Variants in PCDHGB7 observed in about 807,000 individuals in gnomAD.
The protein encoded by PCDHGB7 is protocadherin gamma-B7.
In PCDHGB7, 37 loss-of-function variants were observed where a neutral mutation model predicts 61.4. The ratio of observed to expected loss-of-function variants is 0.60; its 90% confidence interval spans 0.46 to 0.79. The LOEUF (loss-of-function observed/expected upper bound fraction) is 0.79. Ranked by LOEUF, PCDHGB7 falls within the 30% of genes least tolerant of loss-of-function variation. The pLI is 0.00. For missense variants in PCDHGB7, 1,166 were observed against 1,202.5 expected (o/e 0.97, Z 0.45); for synonymous variants, 464 against 503.5 (o/e 0.92, Z 1.05).
At chr5:141,442,759 A>G (rs2098341868) in intron 1 of PCDHGB7, among the ~76,000 whole-genome samples, 1 of 152,152 alleles carries the variant, frequency 6.6e-6, no homozygotes, top group Non-Finnish European at 1.5e-5. Flanking sequence ...GATTATATAT[A>G]TTTGTATGTG....
intron 1 of PCDHGB7, chr5:141,426,390 C>T (rs1211244710): frequency 7.9e-6 from 2 of 252,180 alleles, no homozygotes; most frequent in African/African-American, 4.4e-5. Flanking sequence ...AGATCCGCTA[C>T]TCTATTCCAG....
chr5:141,491,702 T>A lies in PCDHGB7; in HGVS notation c.2416-3105T>A. The A allele has an allele frequency of 6.2e-7, 1 of 1,611,514 alleles. No homozygotes were observed. Among genetic ancestry groups the A allele is most frequent in the Non-Finnish European group, 8.5e-7 (1 of 1,178,984 alleles). ...AATACGCTGCGGGAGCGGAGCCAGG[T>A]GAGGGGCTCGGCGCCGCCCCGGGCG... On this transcript the variant is annotated intron_variant, in intron 1 of 3. Coordinates refer to ENST00000398594, the MANE Select transcript of PCDHGB7 (RefSeq NM_018927.4). The surrounding 1 kb of genome is among the most constrained non-coding windows in gnomAD (Gnocchi z 6.9).
chr5:141,504,077 G>A (rs939470644), intron 2 of PCDHGB7, among the ~76,000 whole-genome samples: 3 of 152,124 alleles, frequency 2.0e-5, no homozygotes, highest in Non-Finnish European at 2.9e-5. Context: ...GCCAGATGGT[G>A]CCAAACAGTT....
intron 1 of PCDHGB7, among the ~76,000 whole-genome samples, chr5:141,481,950 T>C (rs1378337886): frequency 2.7e-5 from 4 of 146,216 alleles, no homozygotes; most frequent in Admixed American, 1.4e-4. Flanking sequence ...CCAGATGTGG[T>C]GGCAGGTGCC....
rs1688094877 is a variant in PCDHGB7 at position 141,432,625 on chromosome 5, C to T, written c.2415+12351C>T. 1.2e-6 allele frequency: 2 copies of T among 1,613,240 alleles called. No individual in the cohort carries two copies. The highest frequency in any genetic ancestry group is 1.7e-6 in the Non-Finnish European group (2 of 1,179,778). ...CGGGACTCTTCTCGGTGGGTCTGCA[C>T]ACGGGCGAGGTGCGCACGGCGCGAG... On this transcript the variant is annotated intron_variant, in intron 1 of 3. Coordinates refer to ENST00000398594, the MANE Select transcript of PCDHGB7 (RefSeq NM_018927.4). The surrounding 1 kb of genome is among the most constrained non-coding windows in gnomAD (Gnocchi z 6.0).
chr5:141,494,792 C>A lies in PCDHGB7; in HGVS notation c.2416-15C>A. The A allele has an allele frequency of 6.2e-7, 1 of 1,614,132 alleles. No individual in the cohort carries two copies. Among genetic ancestry groups the A allele is most frequent in the East Asian group, 2.2e-5 (1 of 44,878 alleles). Reference sequence around the variant, plus strand: ...TCACGGGTACTCAGCCCCTTTCCCTCTGTTTTCTCCACAGCAAGCCCCGCC... The same window carrying A: ...TCACGGGTACTCAGCCCCTTTCCCTATGTTTTCTCCACAGCAAGCCCCGCC... On this transcript the variant is annotated splice_polypyrimidine_tract_variant and intron_variant, in intron 1 of 3. Transcript: ENST00000398594.
rs1246198657 is a variant in PCDHGB7 at position 141,505,401 on chromosome 5, A to T, written c.2483A>T (p.Asn828Ile). The change falls in exon 3 of 4, where the codon AAT (asparagine) becomes ATT (isoleucine). Residue 828 changes from asparagine (N) to isoleucine (I), a missense_variant. By Grantham distance (149) the Asn-to-Ile change is moderately radical (BLOSUM62 -3). Transcript: ENST00000398594. Reference protein sequence around the residue: ...AQRPGTSGSQNGDDTGTWPNN... With the variant: ...AQRPGTSGSQIGDDTGTWPNN... ...TCCTACTCTCTCCCCAGCTCCCAAA[A>T]TGGCGATGACACCGGCACCTGGCCC... is the stretch of plus-strand genomic sequence containing the variant. The T allele has an allele frequency of 6.2e-7, 1 of 1,614,058 alleles. No individual in the cohort carries two copies. Among genetic ancestry groups the T allele is most frequent in the African/African-American group, 1.3e-5 (1 of 74,922 alleles).
rs779871354 is a variant in PCDHGB7 at position 141,428,131 on chromosome 5, G to A, written c.2415+7857G>A. 8.7e-6 allele frequency: 14 copies of A among 1,602,720 alleles called. No homozygotes were observed. The South Asian group carries it at 1.5e-4, about 18-fold the overall frequency. On this transcript the variant is annotated intron_variant, in intron 1 of 3. Transcript: ENST00000398594. ...CAGGCCATCGAGCCCGGGCTTTTCA[G>A]CCTGGGGCTGCACACGGGAACCTGC...
At chr5:141,457,071 C>T in intron 1 of PCDHGB7, among the ~76,000 whole-genome samples, 1 of 152,188 alleles carries the variant, frequency 6.6e-6, no homozygotes, top group Non-Finnish European at 1.5e-5. Context: ...TTGCCAGTAA[C>T]TATTATCCCT....
intron 1 of PCDHGB7, among the ~76,000 whole-genome samples, chr5:141,464,689 TATTATGA>T (rs1378742227): frequency 4.6e-5 from 7 of 152,182 alleles, no homozygotes; most frequent in Admixed American, 2.6e-4. Context: ...AAATTTCTCT[TATTATGA>T]ATGAGGTTAA....
At position 141,431,569 on chromosome 5, in the gene PCDHGB7, CGAA is replaced by C. The variant is rs780392922; in HGVS notation, c.2415+11297_2415+11299del. The C allele has an allele frequency of 1.9e-6, 3 of 1,614,000 alleles. No homozygotes were observed. The highest frequency in any genetic ancestry group is 2.7e-5 in the African/African-American group (2 of 74,932). ...TTGTAGTCAACGCTACCGACCCTGA[CGAA>C]GGAGTCAATGCGGAAGTGAGGTATT... On this transcript the variant is annotated intron_variant, in intron 1 of 3. Transcript: ENST00000398594. This position sits in a 1 kb window ranked among gnomAD's most constrained non-coding sequence, Gnocchi z 4.8.
intron 2 of PCDHGB7, among the ~76,000 whole-genome samples, chr5:141,501,102 C>G (rs951290710): frequency 2.0e-5 from 3 of 152,014 alleles, no homozygotes; most frequent in African/African-American, 4.8e-5. Flanking sequence ...CTCTTGACCT[C>G]GTGATCCGCC....
rs2099621975 is a variant in PCDHGB7 at position 141,485,946 on chromosome 5, G to A, written c.2416-8861G>A. ...AGTGTGTTGGAGAGCGCACCAGCGG[G>A]CATGGTGCTCATCCAGCTCAATGCC... On this transcript the variant is annotated intron_variant, in intron 1 of 3. Transcript: ENST00000398594. This position sits in a 1 kb window ranked among gnomAD's most constrained non-coding sequence, Gnocchi z 5.7. The A allele has an allele frequency of 1.2e-6, 2 of 1,614,040 alleles. No homozygotes were observed. The highest frequency in any genetic ancestry group is 2.2e-5 in the East Asian group (1 of 44,884).
intron 2 of PCDHGB7, among the ~76,000 whole-genome samples, chr5:141,501,287 TTA>T (rs1491235092): frequency 6.2e-5 from 6 of 96,980 alleles, no homozygotes; most frequent in African/African-American, 2.5e-4. Context: ...GGATATTCCC[TTA>T]TACACACACA....
At chr5:141,448,021 G>A (rs1376525971) in intron 1 of PCDHGB7, among the ~76,000 whole-genome samples, 2 of 152,050 alleles carry the variant, frequency 1.3e-5, no homozygotes, top group African/African-American at 4.8e-5. Context: ...AGGAGGTGGA[G>A]GTTGCAGTGA....
At chr5:141,437,013 A>G (rs570721163) in intron 1 of PCDHGB7, among the ~76,000 whole-genome samples, 146 of 152,354 alleles carry the variant, frequency 9.6e-4, no homozygotes, top group Non-Finnish European at 1.2e-3. Flanking sequence ...ATCTTAGATA[A>G]TTTCACCAGA....
At position 141,484,105 on chromosome 5, in the gene PCDHGB7, A is replaced by G. The variant is rs548687877; in HGVS notation, c.2416-10702A>G. On this transcript the variant is annotated intron_variant, in intron 1 of 3. Coordinates refer to ENST00000398594, the MANE Select transcript of PCDHGB7 (RefSeq NM_018927.4). Reference sequence around the variant, plus strand: ...GAAATGGTCTTCGTTGGTAATTAACAAAAGATCAAGAATACCTTGGTGTCA... The same window carrying G: ...GAAATGGTCTTCGTTGGTAATTAACGAAAGATCAAGAATACCTTGGTGTCA... Among the ~76,000 whole-genome samples, 3 of 152,316 alleles carry G rather than the reference A, an allele frequency of 2.0e-5. No individual in the cohort carries two copies. In the South Asian group the frequency reaches 6.2e-4, roughly 32 times the overall value.
In PCDHGB7 at chr5:141,459,848, C is replaced by T. The variant is rs573481876; in HGVS notation, c.2416-34959C>T. Among the ~76,000 whole-genome samples the T allele has an allele frequency of 1.1e-4, 16 of 152,244 alleles. No homozygotes were observed. In the South Asian group the frequency reaches 2.5e-3, roughly 24 times the overall value. ...TTTCATGTGTTGTCTATTTGTATATCTTCTTGAAGCATTCGTTCATCTTTA... is the reference window on the plus strand; with the variant it reads ...TTTCATGTGTTGTCTATTTGTATATTTTCTTGAAGCATTCGTTCATCTTTA... On this transcript the variant is annotated intron_variant, in intron 1 of 3. Transcript: ENST00000398594.
rs1157645386 is a variant in PCDHGB7 at position 141,477,622 on chromosome 5, A to C, written c.2416-17185A>C. On this transcript the variant is annotated intron_variant, in intron 1 of 3. Coordinates refer to ENST00000398594, the MANE Select transcript of PCDHGB7 (RefSeq NM_018927.4). This position sits in a 1 kb window ranked among gnomAD's most constrained non-coding sequence, Gnocchi z 4.9. ...TCTTTCTCTTGGAGCAAGGAGCTGA[A>C]ACCGGGCTAGTGGGTCGCTATTTCA... 1 of 1,614,108 alleles carries C rather than the reference A, an allele frequency of 6.2e-7. No homozygotes were observed. The highest frequency in any genetic ancestry group is 2.2e-5 in the East Asian group (1 of 44,904).
Sources: gnomAD v4.1 joint callset for allele counts (sites outside exome capture counted in the v4.1 genomes callset) on GRCh38, gnomAD v4.1.1 for gene constraint, Gnocchi (gnomAD v3.1) non-coding constraint, MANE v1.5 for transcripts, NCBI Gene and HGNC (gene_info 2026-07-23, HGNC 2026-07-21) for gene names.